FRS2: variants seen among roughly 807,000 people sequenced by gnomAD.
The protein encoded by FRS2 is FGFR signalling adaptor.
A neutral mutation model predicts 43.9 loss-of-function variants in FRS2; 8 were observed. The observed-to-expected ratio is 0.18, with a 90% confidence interval of 0.11 to 0.33. FRS2 has a LOEUF of 0.33. Among genes scored for constraint, FRS2 ranks in the 10% least tolerant of loss-of-function variants. The pLI is 1.00. For synonymous variants in FRS2, 219 were observed against 220.3 expected, an observed-to-expected ratio of 0.99 and a Z score of 0.05; for missense variants, 534 against 627.6, an observed-to-expected ratio of 0.85 and a Z score of 1.59.
At chr12:69,506,690 T>G (rs1873964647) in intron 1 of FRS2, among the ~76,000 whole-genome samples, 1 of 152,200 alleles carries the variant, frequency 6.6e-6, no homozygotes, top group Admixed American at 6.5e-5. Flanking sequence ...AATTTCGTAG[T>G]TTACTTCTTA....
At chr12:69,553,969 C>T (rs1879130174) in intron 3 of FRS2, among the ~76,000 whole-genome samples, 1 of 152,118 alleles carries the variant, frequency 6.6e-6, no homozygotes, top group African/African-American at 2.4e-5. Flanking sequence ...GAATTTTGAG[C>T]ATAGCTTGTT....
In FRS2 at chr12:69,575,027, A is replaced by G; in HGVS notation, c.*72A>G. On this transcript the variant is annotated 3_prime_UTR_variant, in exon 9 of 9. Transcript: ENST00000549921. Reference sequence around the variant, plus strand: ...ATGAAGATGCAAGTGCTTCATTTTCATTTCTAAACACTAACTCCTTTTATA... The same window carrying G: ...ATGAAGATGCAAGTGCTTCATTTTCGTTTCTAAACACTAACTCCTTTTATA... The G allele has an allele frequency of 2.1e-6, 2 of 955,182 alleles. No individual in the cohort carries two copies. Among genetic ancestry groups the G allele is most frequent in the South Asian group, 3.1e-5 (2 of 64,848 alleles). 59.2% of individuals were successfully genotyped at this position (955,182 alleles called of 1,614,324 possible). A position where few individuals can be genotyped will look rare whatever the true frequency, so the allele number is the denominator to read the frequency against.
intron 1 of FRS2, among the ~76,000 whole-genome samples, chr12:69,495,370 A>G (rs534792869): frequency 3.9e-5 from 6 of 152,218 alleles, no homozygotes; most frequent in Non-Finnish European, 8.8e-5. Flanking sequence ...GAATATACTC[A>G]GCTTACTCAT....
chr12:69,486,119 A>G (rs1871916571), intron 1 of FRS2: 1 of 152,104 alleles, frequency 6.6e-6, no homozygotes, highest in Non-Finnish European at 1.5e-5. Context: ...AGAAGAGAGA[A>G]TATAAGGCAC....
chr12:69,483,312 C>T (rs1871507797), intron 1 of FRS2, among the ~76,000 whole-genome samples: 1 of 152,156 alleles, frequency 6.6e-6, no homozygotes, highest in African/African-American at 2.4e-5. Context: ...ATTGTTCCAT[C>T]ACCATGAAAA....
At chr12:69,497,993 C>A (rs1033104759) in intron 1 of FRS2, among the ~76,000 whole-genome samples, 4 of 144,488 alleles carry the variant, frequency 2.8e-5, no homozygotes, top group African/African-American at 1.1e-4. Flanking sequence ...CAATATCTAT[C>A]ATCAGTCCTT....
chr12:69,501,889 A>G (rs1345019680), intron 1 of FRS2, among the ~76,000 whole-genome samples: 3 of 152,210 alleles, frequency 2.0e-5, no homozygotes, highest in African/African-American at 7.2e-5. Context: ...TTTACTAGAC[A>G]GCATTAGCGT....
At chr12:69,566,624 A>G (rs1318723376) in intron 4 of FRS2, among the ~76,000 whole-genome samples, 1 of 152,130 alleles carries the variant, frequency 6.6e-6, no homozygotes. Context: ...TTTAAAAAAA[A>G]AAAGAATATG....
intron 7 of FRS2, 41 bp downstream of exon 7, chr12:69,571,475 GT>G: frequency 1.3e-6 from 2 of 1,486,186 alleles, no homozygotes; most frequent in Non-Finnish European, 1.9e-6. Flanking sequence ...AATAACAGAC[GT>G]TTAGTTGTAA....
chr12:69,557,611 T>C (rs1207408512), intron 3 of FRS2, among the ~76,000 whole-genome samples: 5 of 126,374 alleles, frequency 4.0e-5, no homozygotes, highest in Middle Eastern at 3.9e-3. Context: ...TGTGTGTGTG[T>C]GTGTGTGTGC....
At chr12:69,536,460 G>A (rs1478798969) in intron 3 of FRS2, among the ~76,000 whole-genome samples, 1 of 151,090 alleles carries the variant, frequency 6.6e-6, no homozygotes, top group African/African-American at 2.4e-5. Context: ...TATTTTGATT[G>A]GAGTTTTGTA....
At chr12:69,546,287 T>G (rs2135721242) in intron 3 of FRS2, among the ~76,000 whole-genome samples, 1 of 152,184 alleles carries the variant, frequency 6.6e-6, no homozygotes, top group Admixed American at 6.5e-5. Flanking sequence ...AGACAGAGTC[T>G]CGCTGTATTG....
chr12:69,491,809 G>C (rs1872522408), intron 1 of FRS2, among the ~76,000 whole-genome samples: 1 of 152,030 alleles, frequency 6.6e-6, no homozygotes, highest in Non-Finnish European at 1.5e-5. Context: ...GGCTATGTTT[G>C]ACTTTTAAAA....
chr12:69,522,930 T>A (rs1450090380), intron 1 of FRS2, among the ~76,000 whole-genome samples: 1 of 152,244 alleles, frequency 6.6e-6, no homozygotes, highest in South Asian at 2.1e-4. Context: ...ATTTTTCTTA[T>A]GTTGTGGTGC....
At chr12:69,555,538 G>C (rs1414108264) in intron 3 of FRS2, among the ~76,000 whole-genome samples, 3 of 152,166 alleles carry the variant, frequency 2.0e-5, no homozygotes, top group African/African-American at 7.2e-5. Flanking sequence ...ATATACAATT[G>C]ACCCTTTAAC....
At position 69,579,417 on chromosome 12, in the gene FRS2, G is replaced by C. The variant is rs1437930346; in HGVS notation, c.*4462G>C. 6.6e-6 allele frequency: 1 copy of C among 152,170 alleles called. No homozygotes were observed. Among genetic ancestry groups the C allele is most frequent in the Non-Finnish European group, 1.5e-5 (1 of 67,950 alleles). 9.4% of individuals were successfully genotyped at this position (152,170 alleles called of 1,614,324 possible). On this transcript the variant is annotated 3_prime_UTR_variant, in exon 9 of 9. Transcript: ENST00000549921. ...AAGTCAGAGTTCTTTACAATCAAAC[G>C]TTTATTAACTGGAGTACTTAGAATA...
At chr12:69,532,807 G>A (rs1876933611) in intron 3 of FRS2, among the ~76,000 whole-genome samples, 1 of 152,184 alleles carries the variant, frequency 6.6e-6, no homozygotes, top group Non-Finnish European at 1.5e-5. Flanking sequence ...TTGGTGGGAA[G>A]ACCAGAAAGT....
At chr12:69,477,503 C>T (rs1276439979) in intron 1 of FRS2, among the ~76,000 whole-genome samples, 1 of 151,036 alleles carries the variant, frequency 6.6e-6, no homozygotes, top group Non-Finnish European at 1.5e-5. Context: ...AAGATGGTCT[C>T]AATCTCCTGA....
At chr12:69,517,222 A>T (rs1206834031) in intron 1 of FRS2, among the ~76,000 whole-genome samples, 1 of 152,248 alleles carries the variant, frequency 6.6e-6, no homozygotes, top group Non-Finnish European at 1.5e-5. Context: ...TTGCTTTCTG[A>T]TGGTTCAATG....
Sources: gnomAD v4.1 joint callset for allele counts (sites outside exome capture counted in the v4.1 genomes callset) on GRCh38, gnomAD v4.1.1 for gene constraint, MANE v1.5 for transcripts, NCBI Gene and HGNC (gene_info 2026-07-23, HGNC 2026-07-21) for gene names.